The following ASAP2 variants were observed in gnomAD, a reference collection of about 807,000 sequenced individuals.
The protein encoded by ASAP2 is ArfGAP with SH3 domain, ankyrin repeat and PH domain 2.
A neutral mutation model predicts 131.4 loss-of-function variants in ASAP2; 45 were observed. The ratio of observed to expected loss-of-function variants is 0.34; its 90% CI spans 0.27 to 0.44. The LOEUF is 0.44. ASAP2 is among the 20% of genes least tolerant of loss of function. The pLI, the probability that ASAP2 is intolerant of heterozygous loss-of-function variation, is 1.00. For missense variants in ASAP2, 1,011 were observed against 1,297.0 expected, an observed-to-expected ratio of 0.78 and a Z score of 3.39; for synonymous variants, 510 against 503.0, an observed-to-expected ratio of 1.01 and a Z score of -0.19.
intron 15 of ASAP2, 44 bp downstream of exon 15, chr2:9,358,933 G>A (rs1309638957): frequency 5.7e-6 from 9 of 1,568,690 alleles, no homozygotes; most frequent in Non-Finnish European, 7.8e-6. Flanking sequence ...CAAATGAGCT[G>A]TAAGCTAAAT....
intron 5 of ASAP2, among the ~76,000 whole-genome samples, chr2:9,321,819 C>T (rs1670166571): frequency 6.6e-6 from 1 of 152,274 alleles, no homozygotes; most frequent in Non-Finnish European, 1.5e-5. Flanking sequence ...GAATTCCTCA[C>T]AAAACCCTAG....
intron 2 of ASAP2, among the ~76,000 whole-genome samples, chr2:9,280,644 G>A (rs1042809214): frequency 1.3e-5 from 2 of 152,206 alleles, no homozygotes; most frequent in Non-Finnish European, 2.9e-5. Context: ...CACTGTTAGT[G>A]TCAGGCCTCC....
In ASAP2 at chr2:9,239,420, A is replaced by G. The variant is rs144182619; in HGVS notation, c.126+32190A>G. On this transcript the variant is annotated intron_variant, in intron 1 of 27. Transcript: ENST00000281419. ...TGATTGTTGACCTTTTTACTCTTTC[A>G]TTATATTTTGGGTAGAATGAAATCA... Among the ~76,000 whole-genome samples, 129 of 151,252 alleles carry G rather than the reference A, an allele frequency of 8.5e-4. No homozygotes were observed. In the East Asian group the frequency reaches 0.019, roughly 23 times the overall value.
chr2:9,266,279 TGGGAC>T (rs1558280188), intron 1 of ASAP2, among the ~76,000 whole-genome samples: 28 of 151,682 alleles, frequency 1.8e-4, no homozygotes, highest in Non-Finnish European at 3.2e-4. Flanking sequence ...CACCAGTAAC[TGGGAC>T]CACAGGCACC....
chr2:9,403,480 A>G lies in ASAP2; in HGVS notation c.*153A>G. ...TTTTAAAAACTCAGAGGCAATTTTT[A>G]CATATCAGTAATTGTTTTTATAATT... On this transcript the variant is annotated 3_prime_UTR_variant, in exon 28 of 28. Transcript: ENST00000281419. The G allele has an allele frequency of 1.6e-6, 1 of 610,914 alleles. No individual in the cohort carries two copies. 37.8% of individuals were successfully genotyped at this position (610,914 alleles called of 1,614,324 possible). A position where few individuals can be genotyped will look rare whatever the true frequency, so the allele number is the denominator to read the frequency against.
At chr2:9,212,699 C>T (rs965800374) in intron 1 of ASAP2, among the ~76,000 whole-genome samples, 3 of 152,174 alleles carry the variant, frequency 2.0e-5, no homozygotes, top group African/African-American at 7.2e-5. Context: ...CAGCCTAAGA[C>T]AAATCCAGCT....
intron 7 of ASAP2, among the ~76,000 whole-genome samples, chr2:9,332,201 A>G (rs145173097): frequency 5.3e-5 from 8 of 152,312 alleles, no homozygotes; most frequent in African/African-American, 1.9e-4. Context: ...AAGTTCTGTG[A>G]AGCTTGGAAA....
intron 12 of ASAP2, 48 bp from the exon 13 acceptor site, chr2:9,355,999 T>C: frequency 6.3e-7 from 1 of 1,597,820 alleles, no homozygotes; most frequent in Non-Finnish European, 8.6e-7. Flanking sequence ...TGGAATTGTG[T>C]ATGGATTGCT....
At chr2:9,368,190 C>A (rs1161430686) in intron 15 of ASAP2, among the ~76,000 whole-genome samples, 1 of 152,234 alleles carries the variant, frequency 6.6e-6, no homozygotes, top group African/African-American at 2.4e-5. Flanking sequence ...TGTCTGTACT[C>A]TATCCAGAGC....
intron 16 of ASAP2, among the ~76,000 whole-genome samples, chr2:9,368,984 G>T (rs1673706018): frequency 6.6e-6 from 1 of 151,192 alleles, no homozygotes; most frequent in South Asian, 2.1e-4. Context: ...GTTTGTGTTT[G>T]TGTTATTGTT....
chr2:9,266,735 G>A (rs1192562991), intron 1 of ASAP2, among the ~76,000 whole-genome samples: 1 of 152,216 alleles, frequency 6.6e-6, no homozygotes, highest in Non-Finnish European at 1.5e-5. Flanking sequence ...TGCTACTTTA[G>A]GAGCTCAGAA....
At chr2:9,324,686 C>G (rs1008044262) in intron 6 of ASAP2, among the ~76,000 whole-genome samples, 12 of 152,208 alleles carry the variant, frequency 7.9e-5, no homozygotes, top group Non-Finnish European at 1.3e-4. Context: ...GGTTCTACCA[C>G]TCAACACTGC....
Position 9,400,028 on chromosome 2 carries a change from A to G in ASAP2, c.2690A>G (p.Asp897Gly). 6.2e-7 allele frequency: 1 copy of G among 1,613,312 alleles called. No individual in the cohort carries two copies. Among genetic ancestry groups the G allele is most frequent in the Non-Finnish European group, 8.5e-7 (1 of 1,179,694 alleles). Residue 897 changes from aspartate to glycine, a missense_variant, in exon 25 of 28, where the codon GAC becomes GGC. This residue lies in a region of ASAP2 where 652 missense variants were observed against 698.9 expected (regional missense o/e 0.93). Coordinates refer to ENST00000281419, the MANE Select transcript of ASAP2 (RefSeq NM_003887.3). ...CTTTTTCCCTGTCTTTGTAGGGCTG[A>G]CAAGTCCACCCCACTGACCAACAAA... is the stretch of plus-strand genomic sequence containing the variant. ...LPQKKPAPGA[D>G]KSTPLTNKGQ...
chr2:9,375,165 C>T (rs1674303433), intron 17 of ASAP2, among the ~76,000 whole-genome samples: 1 of 151,496 alleles, frequency 6.6e-6, no homozygotes, highest in Non-Finnish European at 1.5e-5. Context: ...ATTTGTAGTC[C>T]CAGCTACTCA....
rs562929668 is a variant in ASAP2 at position 9,389,207 on chromosome 2, G to A, written c.2383+661G>A. ...TCATTCCTGAAGAGCAGCTGGCTAC[G>A]GTGCTTCTTGAAGGCAGGTCCGGCG... is the stretch of plus-strand genomic sequence containing the variant. On this transcript the variant is annotated intron_variant, in intron 22 of 27. Coordinates refer to ENST00000281419, the MANE Select transcript of ASAP2 (RefSeq NM_003887.3). This position sits in a 1 kb window ranked among gnomAD's most constrained non-coding sequence, Gnocchi z 4.7. Among the ~76,000 whole-genome samples the A allele has an allele frequency of 4.6e-5, 7 of 152,222 alleles. No individual in the cohort carries two copies. Among genetic ancestry groups the A allele is most frequent in the Admixed American group, 4.6e-4 (7 of 15,282 alleles).
At chr2:9,390,677 TG>T (rs1487732222) in intron 22 of ASAP2, among the ~76,000 whole-genome samples, 1 of 152,052 alleles carries the variant, frequency 6.6e-6, no homozygotes, top group Non-Finnish European at 1.5e-5. Context: ...CCACAGCCCA[TG>T]GGAAGGAGTC....
intron 16 of ASAP2, 86 bp downstream of exon 16, chr2:9,368,605 G>A: frequency 3.5e-6 from 4 of 1,140,048 alleles, no homozygotes; most frequent in Non-Finnish European, 4.0e-6. Flanking sequence ...AAGAAGTTTT[G>A]GGTGCATCCA....
At chr2:9,339,771 A>G (rs1021894649) in intron 9 of ASAP2, among the ~76,000 whole-genome samples, 2 of 152,074 alleles carry the variant, frequency 1.3e-5, no homozygotes, top group South Asian at 2.1e-4. Context: ...AGATGCTGTC[A>G]TACCCAGCTC....
At chr2:9,319,329 A>T (rs1246785203) in intron 4 of ASAP2, among the ~76,000 whole-genome samples, 1 of 152,246 alleles carries the variant, frequency 6.6e-6, no homozygotes. Flanking sequence ...CCCATCGGGG[A>T]TGACTGGAAA....
Sources: gnomAD v4.1 joint callset for allele counts (sites outside exome capture counted in the v4.1 genomes callset) on GRCh38, gnomAD v4.1.1 for gene constraint, gnomAD v4.1.1 regional missense constraint, Gnocchi (gnomAD v3.1) non-coding constraint, MANE v1.5 for transcripts, NCBI Gene and HGNC (gene_info 2026-07-23, HGNC 2026-07-21) for gene names.